The following ARHGAP27 variants were observed in gnomAD, a reference collection of about 807,000 sequenced individuals.
ARHGAP27 encodes rho GTPase-activating protein 27.
Under a neutral mutation model 102.0 loss-of-function variants are expected in ARHGAP27, and 53 were observed. The observed-to-expected ratio is 0.52, with a 90% CI of 0.42 to 0.65. ARHGAP27 has a LOEUF of 0.65. Ranked by LOEUF, ARHGAP27 falls within the 30% of genes least tolerant of loss-of-function variation. The pLI, the probability that ARHGAP27 is intolerant of heterozygous loss-of-function variation, is 0.00. For missense variants in ARHGAP27, 1,117 were observed against 1,256.2 expected (o/e 0.89, Z 1.68); for synonymous variants, 525 against 542.8 (o/e 0.97, Z 0.46).
At chr17:45,404,184 C>T in intron 9 of ARHGAP27, 85 bp downstream of exon 9, 6 of 1,608,754 alleles carry the variant, frequency 3.7e-6, no homozygotes, top group Non-Finnish European at 5.1e-6. Flanking sequence ...GCTCAGCTGC[C>T]ACTCTCTATG....
In ARHGAP27 at chr17:45,427,681, C is replaced by T. The variant is rs1018372914; in HGVS notation, c.657+1942G>A. ...GCAGGGAACGTGGTATTATTGCACA[C>T]ATCGCACAGGGGAGGAAACAGGACC... On this transcript the variant is annotated intron_variant, in intron 4 of 19. Coordinates refer to ENST00000685559, the MANE Select transcript of ARHGAP27 (RefSeq NM_001282290.2). This position sits in a 1 kb window ranked among gnomAD's most constrained non-coding sequence, Gnocchi z 4.5. Among the ~76,000 whole-genome samples the T allele has an allele frequency of 1.3e-5, 2 of 152,206 alleles. No homozygotes were observed. The highest frequency in any genetic ancestry group is 4.8e-5 in the African/African-American group (2 of 41,452).
chr17:45,416,146 C>G (rs570599955), intron 4 of ARHGAP27, among the ~76,000 whole-genome samples: 1 of 151,460 alleles, frequency 6.6e-6, no homozygotes, highest in Non-Finnish European at 1.5e-5. Context: ...CCCGGGTTCA[C>G]GCCATTCTCC....
At chr17:45,421,076 C>T (rs2048991641) in intron 4 of ARHGAP27, among the ~76,000 whole-genome samples, 1 of 142,942 alleles carries the variant, frequency 7.0e-6, no homozygotes, top group Non-Finnish European at 1.5e-5. Context: ...AACATCAAAC[C>T]TCAGAGCAAA....
chr17:45,396,036 A>T lies in ARHGAP27; in HGVS notation c.2333T>A (p.Leu778Gln). ...CGAGAAGGGGAAGAGGGGCTCGGGC[A>T]GCTCCCGAAAGAAGAGCTTCAGGGC... ...TGALKLFFRE[L>Q]PEPLFPFSHF... is the part of the protein sequence containing the mutation. The change falls in exon 18 of 20, where the codon CTG becomes CAG. Residue 778 changes from leucine to glutamine, a missense_variant. Leu to Gln is a moderately radical substitution (Grantham distance 113). This residue lies in a region of ARHGAP27 where 493 missense variants were observed against 505.5 expected (regional missense o/e 0.98). Coordinates refer to ENST00000685559, the MANE Select transcript of ARHGAP27 (RefSeq NM_001282290.2). 1 of 1,613,888 alleles carries T rather than the reference A, an allele frequency of 6.2e-7. No individual in the cohort carries two copies. Among genetic ancestry groups the T allele is most frequent in the East Asian group, 2.2e-5 (1 of 44,858 alleles).
rs180999154 is a variant in ARHGAP27 at position 45,427,142 on chromosome 17, C to T, written c.657+2481G>A. On this transcript the variant is annotated intron_variant, in intron 4 of 19. Coordinates refer to ENST00000685559, the MANE Select transcript of ARHGAP27 (RefSeq NM_001282290.2). The surrounding 1 kb of genome is among the most constrained non-coding windows in gnomAD (Gnocchi z 4.5). ...GCCCCCAGACCCTGCCCATCCATCTCCCAAACCTCTGTTTCCACACATGCC... is the reference window on the plus strand; with the variant it reads ...GCCCCCAGACCCTGCCCATCCATCTTCCAAACCTCTGTTTCCACACATGCC... Among the ~76,000 whole-genome samples the T allele has an allele frequency of 4.5e-3, 674 of 148,190 alleles. 2 individuals carry two copies. The highest frequency in any genetic ancestry group is 0.016 in the African/African-American group (636 of 39,838).
Position 45,396,768 on chromosome 17 carries a change from C to CA in ARHGAP27, c.1973dup (p.Leu660ProfsTer45), listed in dbSNP as rs761353583. The CA allele has an allele frequency of 6.8e-6, 11 of 1,613,108 alleles. No individual in the cohort carries two copies. The highest frequency in any genetic ancestry group is 9.3e-6 in the Non-Finnish European group (11 of 1,179,492). ...CCTTGCTCAAGTCGCTCTCCAGGCC[C>CA]ACGGGGCCCAGGGCGGGCGCGGCTG... On this transcript the variant is annotated frameshift_variant, in exon 15 of 20. Transcript: ENST00000685559. LOFTEE classifies it high-confidence loss of function.
intron 10 of ARHGAP27, 53 bp from the exon 11 acceptor site, chr17:45,403,762 T>G: frequency 6.8e-7 from 1 of 1,465,978 alleles, no homozygotes; most frequent in South Asian, 1.2e-5. Context: ...GGTCCTGGGC[T>G]GAGGGCCCCT....
intron 4 of ARHGAP27, among the ~76,000 whole-genome samples, chr17:45,411,795 TCACACACACA>T (rs3068161): frequency 2.7e-5 from 4 of 149,060 alleles, no homozygotes; most frequent in African/African-American, 7.4e-5. Flanking sequence ...GGATGAGGAC[TCACACACACA>T]CACACACACA....
In ARHGAP27 at chr17:45,404,020, G is replaced by C; in HGVS notation, c.1547+9C>G. On this transcript the variant is annotated intron_variant, in intron 10 of 19. Coordinates refer to ENST00000685559, the MANE Select transcript of ARHGAP27 (RefSeq NM_001282290.2). Reference sequence around the variant, plus strand: ...CCCTGCCCCGGCCTGAGTGTAGATGGGCTCTCACCGGAGCCGCTTTCCCTT... The same window carrying C: ...CCCTGCCCCGGCCTGAGTGTAGATGCGCTCTCACCGGAGCCGCTTTCCCTT... The C allele has an allele frequency of 6.2e-7, 1 of 1,612,844 alleles. No individual in the cohort carries two copies. The highest frequency in any genetic ancestry group is 8.5e-7 in the Non-Finnish European group (1 of 1,179,532).
Position 45,395,538 on chromosome 17 carries a change from C to A in ARHGAP27, c.2588G>T (p.Ser863Ile). 1 of 1,602,656 alleles carries A rather than the reference C, an allele frequency of 6.2e-7. No individual in the cohort carries two copies. Among genetic ancestry groups the A allele is most frequent in the Admixed American group, 1.7e-5 (1 of 58,650 alleles). ...CTGGAACACCATGGTCATGGGCATG[C>A]TGGTCTCTTCCACCTCGGGCCGCAG... ...TLLRPEVEETSMPMTMVFQNQ... is the reference protein window; with the variant it reads ...TLLRPEVEETIMPMTMVFQNQ... Residue 863 changes from serine (S) to isoleucine (I), a missense_variant, in exon 20 of 20, where the codon AGC (serine) becomes ATC (isoleucine). Coordinates refer to ENST00000685559, the MANE Select transcript of ARHGAP27 (RefSeq NM_001282290.2).
intron 4 of ARHGAP27, among the ~76,000 whole-genome samples, chr17:45,418,345 G>A (rs971789681): frequency 3.3e-5 from 5 of 151,008 alleles, no homozygotes; most frequent in Non-Finnish European, 4.4e-5. Context: ...CCATATAAGC[G>A]TGTGGTCTCA....
chr17:45,412,981 T>C, intron 4 of ARHGAP27, among the ~76,000 whole-genome samples: 1 of 120,132 alleles, frequency 8.3e-6, no homozygotes, highest in Non-Finnish European at 1.8e-5. Flanking sequence ...TTTTTTTTTT[T>C]TTTTTTTTTT....
intron 4 of ARHGAP27, among the ~76,000 whole-genome samples, chr17:45,421,252 G>A (rs1185575677): frequency 4.0e-5 from 6 of 150,418 alleles, no homozygotes; most frequent in Non-Finnish European, 8.9e-5. Context: ...GCCAAGGCAG[G>A]CAGATTGCTT....
Position 45,395,339 on chromosome 17 carries a change from G to T in ARHGAP27, c.*117C>A, listed in dbSNP as rs2045461918. 1 of 1,309,416 alleles carries T rather than the reference G, an allele frequency of 7.6e-7. No homozygotes were observed. The highest frequency in any genetic ancestry group is 1.0e-6 in the Non-Finnish European group (1 of 975,144). The allele number at this position is 1,309,416 out of a possible 1,614,324, so 81.1% of individuals were successfully genotyped here. A position where few individuals can be genotyped will look rare whatever the true frequency, so the allele number is the denominator to read the frequency against. On this transcript the variant is annotated 3_prime_UTR_variant, in exon 20 of 20. Coordinates refer to ENST00000685559, the MANE Select transcript of ARHGAP27 (RefSeq NM_001282290.2). ...GAACCGAGGGTGCAGAAGTCACACC[G>T]GCCTGCGGCTATGCGCTGGCGGAGG...
intron 6 of ARHGAP27, 117 bp downstream of exon 6, chr17:45,404,807 G>T: frequency 1.3e-6 from 2 of 1,522,438 alleles, no homozygotes; most frequent in Non-Finnish European, 1.8e-6. Context: ...GACTGTGTTT[G>T]GCTGGTTTAG....
chr17:45,414,902 C>A (rs926343697), intron 4 of ARHGAP27, among the ~76,000 whole-genome samples: 105 of 92,872 alleles, frequency 1.1e-3, no homozygotes, highest in South Asian at 2.1e-3. Context: ...CTAAAAATAC[C>A]AAAAAAAAAA....
At chr17:45,406,483 T>A (rs2047178092) in intron 4 of ARHGAP27, among the ~76,000 whole-genome samples, 1 of 152,196 alleles carries the variant, frequency 6.6e-6, no homozygotes. Flanking sequence ...TGTAAAGTAT[T>A]TAGTGCCCCA....
chr17:45,410,512 T>C (rs924377189), intron 4 of ARHGAP27: 5 of 1,107,860 alleles, frequency 4.5e-6, no homozygotes, highest in Admixed American at 3.6e-5. Flanking sequence ...TTTATGCTTC[T>C]AGAAACACTG....
In ARHGAP27 at chr17:45,430,200, A is replaced by C. The variant is rs1206891287; in HGVS notation, c.80T>G (p.Val27Gly). The C allele has an allele frequency of 1.3e-6, 2 of 1,552,402 alleles. No homozygotes were observed. The highest frequency in any genetic ancestry group is 4.8e-5 in the East Asian group (2 of 41,874). The change falls in exon 4 of 20, where the codon GTG becomes GGG. Residue 27 changes from valine (V) to glycine (G), a missense_variant. Around this residue, in one of 3 missense-constraint regions of ARHGAP27, gnomAD observed 610 missense variants for 716.4 expected, o/e 0.85. Coordinates refer to ENST00000685559, the MANE Select transcript of ARHGAP27 (RefSeq NM_001282290.2). This position sits in a 1 kb window ranked among gnomAD's most constrained non-coding sequence, Gnocchi z 4.4. Reference protein sequence around the residue: ...FEYTGKDGRRVAIRPNERYRL... With the variant: ...FEYTGKDGRRGAIRPNERYRL... The stretch of plus-strand genomic sequence containing the variant: ...GTAGCGCTCATTCGGCCGGATGGCC[A>C]CGCGGCGCCCGTCCTTGCCGGTGTA...
Sources: gnomAD v4.1 joint callset for allele counts (sites outside exome capture counted in the v4.1 genomes callset) on GRCh38, gnomAD v4.1.1 for gene constraint, gnomAD v4.1.1 regional missense constraint, Gnocchi (gnomAD v3.1) non-coding constraint, MANE v1.5 for transcripts, NCBI Gene and HGNC (gene_info 2026-07-23, HGNC 2026-07-21) for gene names.